Variants in SH3RF3 observed in about 807,000 individuals in gnomAD.
SH3RF3 encodes E3 ubiquitin-protein ligase SH3RF3.
In SH3RF3, 29 loss-of-function variants were observed where a neutral mutation model predicts 66.3. The ratio of observed to expected loss-of-function variants is 0.44; its 90% CI spans 0.33 to 0.60. The LOEUF (loss-of-function observed/expected upper bound fraction) is 0.60, where lower values mean the gene tolerates loss of function less well. Among genes scored for constraint, SH3RF3 ranks in the 20% least tolerant of loss-of-function variants. The pLI is 0.04. For synonymous variants in SH3RF3, 583 were observed against 532.0 expected, an observed-to-expected ratio of 1.10 and a Z score of -1.32; for missense variants, 1,194 against 1,190.9, an observed-to-expected ratio of 1.00 and a Z score of -0.04.
intron 8 of SH3RF3, among the ~76,000 whole-genome samples, chr2:109,459,165 T>C (rs1678147058): frequency 6.6e-6 from 1 of 152,118 alleles, no homozygotes; most frequent in Admixed American, 6.6e-5. Flanking sequence ...TCATATCATA[T>C]AAAGTCAGTG....
intron 1 of SH3RF3, among the ~76,000 whole-genome samples, chr2:109,319,231 C>CAAGT (rs1271619161): frequency 6.6e-6 from 1 of 152,180 alleles, no homozygotes; most frequent in Admixed American, 6.5e-5. Context: ...TTTGCAGGAC[C>CAAGT]AAGTGTTAAG....
chr2:109,466,620 T>G (rs940443555), intron 8 of SH3RF3, among the ~76,000 whole-genome samples: 15 of 139,398 alleles, frequency 1.1e-4, no homozygotes, highest in African/African-American at 4.9e-4. Context: ...TGATTGTGTC[T>G]TTGGTGTTTT....
chr2:109,349,366 C>A (rs1682791459), intron 2 of SH3RF3, among the ~76,000 whole-genome samples: 1 of 152,230 alleles, frequency 6.6e-6, no homozygotes, highest in African/African-American at 2.4e-5. Context: ...CGATTGTCAT[C>A]TGGCTGCACA....
intron 3 of SH3RF3, among the ~76,000 whole-genome samples, chr2:109,383,087 C>G (rs1040036240): frequency 6.6e-6 from 1 of 152,194 alleles, no homozygotes; most frequent in Non-Finnish European, 1.5e-5. Context: ...GCCCTGAGGG[C>G]GGGCCCTGGC....
chr2:109,358,525 G>C (rs10084409), intron 2 of SH3RF3, among the ~76,000 whole-genome samples: 4,391 of 152,278 alleles, frequency 0.029, 158 homozygotes, highest in African/African-American at 0.089. Context: ...AGCCGTGAAT[G>C]AGCGTTCCTG....
intron 1 of SH3RF3, among the ~76,000 whole-genome samples, chr2:109,146,984 T>C (rs1677116852): frequency 6.9e-6 from 1 of 144,634 alleles, no homozygotes; most frequent in South Asian, 2.4e-4. Flanking sequence ...TCCTGGGCCC[T>C]TCCCTGGGAC....
intron 1 of SH3RF3, among the ~76,000 whole-genome samples, chr2:109,194,916 GA>G (rs1281909222): frequency 6.6e-6 from 1 of 151,968 alleles, no homozygotes; most frequent in Non-Finnish European, 1.5e-5. Context: ...AAAAGAAAAA[GA>G]AAAAAATCCA....
At chr2:109,220,567 A>G (rs1007856695) in intron 1 of SH3RF3, among the ~76,000 whole-genome samples, 2 of 152,258 alleles carry the variant, frequency 1.3e-5, no homozygotes, top group East Asian at 1.9e-4. Flanking sequence ...AAGAACTTCT[A>G]TAACTCAATA....
intron 3 of SH3RF3, among the ~76,000 whole-genome samples, chr2:109,376,296 G>T (rs78139368): frequency 2.0e-5 from 3 of 152,240 alleles, no homozygotes; most frequent in Admixed American, 1.3e-4. Context: ...CACAGGTCCA[G>T]GGTGTGGACG....
intron 8 of SH3RF3, among the ~76,000 whole-genome samples, chr2:109,454,806 C>T (rs1370686994): frequency 6.6e-6 from 1 of 151,854 alleles, no homozygotes; most frequent in Admixed American, 6.6e-5. Flanking sequence ...AGCCTTAGGT[C>T]GACAACCCCA....
At chr2:109,425,130 T>C (rs1676993114) in intron 5 of SH3RF3, among the ~76,000 whole-genome samples, 1 of 152,244 alleles carries the variant, frequency 6.6e-6, no homozygotes, top group Non-Finnish European at 1.5e-5. Flanking sequence ...AACATTCCCT[T>C]AAGCCAAAGC....
Position 109,334,486 on chromosome 2 carries a change from C to T in SH3RF3, c.574-13188C>T, listed in dbSNP as rs373372940. ...GGTCCAGAACCCTGCGGACTTTCCT[C>T]GCAATAAGGGCACAGACTGGCTTGG... On this transcript the variant is annotated intron_variant, in intron 1 of 9. Transcript: ENST00000309415. 3.9e-5 allele frequency among the ~76,000 whole-genome samples: 6 copies of T among 152,120 alleles called. No individual in the cohort carries two copies. The East Asian group carries it at 1.2e-3, about 29-fold the overall frequency.
intron 9 of SH3RF3, 64 bp from the exon 10 acceptor site, chr2:109,501,439 G>A (rs1679381875): frequency 1.4e-6 from 1 of 691,648 alleles, no homozygotes; most frequent in Non-Finnish European, 2.7e-6. Flanking sequence ...GGGAAGAAGA[G>A]AAAGCACGAC....
intron 1 of SH3RF3, among the ~76,000 whole-genome samples, chr2:109,335,941 G>T (rs901042601): frequency 2.0e-5 from 3 of 152,194 alleles, no homozygotes; most frequent in African/African-American, 4.8e-5. Context: ...ACACTTGGGG[G>T]CTGGGAGTGG....
At chr2:109,169,234 T>C (rs1301788972) in intron 1 of SH3RF3, among the ~76,000 whole-genome samples, 1 of 152,240 alleles carries the variant, frequency 6.6e-6, no homozygotes, top group African/African-American at 2.4e-5. Flanking sequence ...CTGGTTTGTC[T>C]CTAAGCATTT....
At chr2:109,449,730 T>G (rs1301807886) in intron 8 of SH3RF3, among the ~76,000 whole-genome samples, 14 of 152,244 alleles carry the variant, frequency 9.2e-5, no homozygotes, top group Admixed American at 7.8e-4. Flanking sequence ...ACATTTCTCA[T>G]GCAAATCAGA....
chr2:109,129,571 T>A lies in SH3RF3; in HGVS notation c.31T>A (p.Ser11Thr). The A allele has an allele frequency of 6.7e-7, 1 of 1,487,116 alleles. No individual in the cohort carries two copies. The highest frequency in any genetic ancestry group is 8.9e-7 in the Non-Finnish European group (1 of 1,127,178). 92.1% of individuals were successfully genotyped at this position (1,487,116 alleles called of 1,614,324 possible). MLLGASWLCA[S>T]KAAAAAAQSE... ...GCTCGGAGCGTCCTGGCTGTGCGCATCCAAGGCGGCCGCCGCTGCTGCGCA... is the reference window on the plus strand; with the variant it reads ...GCTCGGAGCGTCCTGGCTGTGCGCAACCAAGGCGGCCGCCGCTGCTGCGCA... The change falls in exon 1 of 10, where the codon TCC becomes ACC. Residue 11 changes from serine (S) to threonine (T), a missense_variant. Ser to Thr is a moderately conservative substitution (Grantham distance 58). Transcript: ENST00000309415.
chr2:109,354,171 C>T (rs1278062132), intron 2 of SH3RF3, among the ~76,000 whole-genome samples: 1 of 143,778 alleles, frequency 7.0e-6, no homozygotes, highest in Non-Finnish European at 1.5e-5. Flanking sequence ...TTTAATTTTC[C>T]CTTCTCCCTG....
intron 8 of SH3RF3, among the ~76,000 whole-genome samples, chr2:109,477,811 G>A (rs886244145): frequency 2.0e-5 from 3 of 152,274 alleles, no homozygotes; most frequent in African/African-American, 7.2e-5. Context: ...GAGCTCTCAC[G>A]ACCCGATCAT....
Sources: gnomAD v4.1 joint callset for allele counts (sites outside exome capture counted in the v4.1 genomes callset) on GRCh38, gnomAD v4.1.1 for gene constraint, MANE v1.5 for transcripts, NCBI Gene and HGNC (gene_info 2026-07-23, HGNC 2026-07-21) for gene names.